The following ANK1 variants were observed in gnomAD, a reference collection of about 807,000 sequenced individuals.
The protein encoded by ANK1 is ankyrin 1.
ANK1 carries 51 observed loss-of-function variants against 210.4 expected under a neutral mutation model. That is an observed-to-expected ratio of 0.24 (90% CI 0.19 to 0.31). The LOEUF (loss-of-function observed/expected upper bound fraction) is 0.31. ANK1 is among the 10% of genes least tolerant of loss of function. The pLI is 1.00. For missense variants in ANK1, 2,051 were observed against 2,504.4 expected (o/e 0.82, Z 3.86); for synonymous variants, 967 against 1,025.9 (o/e 0.94, Z 1.10).
At chr8:41,688,637 C>G in intron 33 of ANK1, 48 bp from the exon 34 acceptor site, 1 of 1,553,508 alleles carries the variant, frequency 6.4e-7, no homozygotes, top group Non-Finnish European at 8.9e-7. Flanking sequence ...TCCCCACCTT[C>G]CCAGAGAAAG....
At chr8:41,720,708 G>C (rs1305885432) in intron 9 of ANK1, among the ~76,000 whole-genome samples, 1 of 152,122 alleles carries the variant, frequency 6.6e-6, no homozygotes, top group Non-Finnish European at 1.5e-5. Context: ...CCCTGATGAA[G>C]GAGGGGCACT....
chr8:41,684,680 C>T lies in ANK1; in HGVS notation c.4401G>A (p.Leu1467=), dbSNP rs750151895. Residue 1467 remains leucine (L), a synonymous_variant, in exon 37 of 43, where the codon CTG becomes CTA. Transcript: ENST00000289734. ...REGQNANMEN[L]YTALQSIDRG... The stretch of plus-strand genomic sequence containing the variant: ...GGTCAATGCTCTGCAGGGCTGTGTA[C>T]AGATTCTCCACTGTGGGCGCAGAAG... The T allele has an allele frequency of 1.9e-6, 3 of 1,613,848 alleles. No homozygotes were observed. Among genetic ancestry groups the T allele is most frequent in the Non-Finnish European group, 2.5e-6 (3 of 1,180,012 alleles).
chr8:41,802,817 G>T (rs1850095185), intron 1 of ANK1, among the ~76,000 whole-genome samples: 1 of 151,468 alleles, frequency 6.6e-6, no homozygotes, highest in Non-Finnish European at 1.5e-5. Context: ...GGCTGAGGTG[G>T]GAGGATCACC....
At chr8:41,722,396 T>G (rs1319705067) in intron 9 of ANK1, among the ~76,000 whole-genome samples, 1 of 152,232 alleles carries the variant, frequency 6.6e-6, no homozygotes, top group Non-Finnish European at 1.5e-5. Context: ...ATGACAGAAC[T>G]GCTCGTGGGA....
At chr8:41,755,886 G>A (rs559698418) in intron 2 of ANK1, among the ~76,000 whole-genome samples, 14 of 152,282 alleles carry the variant, frequency 9.2e-5, no homozygotes, top group African/African-American at 2.2e-4. Flanking sequence ...GAAAAGGGGC[G>A]GGGGGCCTGG....
intron 1 of ANK1, among the ~76,000 whole-genome samples, chr8:41,858,732 A>C (rs1038477903): frequency 6.6e-6 from 1 of 152,236 alleles, no homozygotes; most frequent in Non-Finnish European, 1.5e-5. Flanking sequence ...AAAACAAAAC[A>C]AAACCAAAAC....
chr8:41,887,525 C>T (rs1473119699), intron 1 of ANK1, among the ~76,000 whole-genome samples: 2 of 152,180 alleles, frequency 1.3e-5, no homozygotes, highest in South Asian at 2.1e-4. Context: ...TCCCAAAATG[C>T]TGGGATTACA....
intron 1 of ANK1, among the ~76,000 whole-genome samples, chr8:41,764,369 G>T (rs908559260): frequency 1.3e-5 from 2 of 152,146 alleles, no homozygotes; most frequent in Admixed American, 6.5e-5. Flanking sequence ...TCCAGCAAAT[G>T]CAACAGGGCA....
At chr8:41,865,705 T>C (rs1235207734) in intron 1 of ANK1, among the ~76,000 whole-genome samples, 1 of 151,948 alleles carries the variant, frequency 6.6e-6, no homozygotes, top group African/African-American at 2.4e-5. Flanking sequence ...CCTAGATTCT[T>C]CCCTCTCCCT....
chr8:41,823,022 C>G (rs994318824), intron 1 of ANK1, among the ~76,000 whole-genome samples: 1 of 152,232 alleles, frequency 6.6e-6, no homozygotes, highest in African/African-American at 2.4e-5. Flanking sequence ...ACAGGCTGCT[C>G]TGAGCATGAG....
At chr8:41,784,948 G>A (rs908797137) in intron 1 of ANK1, among the ~76,000 whole-genome samples, 3 of 152,228 alleles carry the variant, frequency 2.0e-5, no homozygotes, top group Non-Finnish European at 4.4e-5. Flanking sequence ...TGGTCAGTGG[G>A]CTTCCAAGGG....
rs1375926380 is a variant in ANK1 at position 41,679,729 on chromosome 8, A to AT, written c.4537+4814dup. ...AGGCGCCCACCATCACGCCAGGCTA[A>AT]TTTTTTTTGTATTTTTAGTAGAGAC... On this transcript the variant is annotated intron_variant, in intron 37 of 42. Transcript: ENST00000289734. Among the ~76,000 whole-genome samples, 6 of 149,396 alleles carry AT rather than the reference A, an allele frequency of 4.0e-5. No individual in the cohort carries two copies. The South Asian group carries it at 6.5e-4, about 16-fold the overall frequency.
chr8:41,855,614 G>A (rs750216252), intron 1 of ANK1, among the ~76,000 whole-genome samples: 10 of 152,168 alleles, frequency 6.6e-5, no homozygotes, highest in Non-Finnish European at 1.3e-4. Flanking sequence ...AAAAAGTCAG[G>A]AGAAAGGTCA....
chr8:41,660,838 T>C (rs976966886), intron 42 of ANK1, among the ~76,000 whole-genome samples: 1 of 152,180 alleles, frequency 6.6e-6, no homozygotes, highest in African/African-American at 2.4e-5. Flanking sequence ...GAACTGTAGC[T>C]GGGCTCCAGG....
At chr8:41,685,950 G>C (rs991085289) in intron 36 of ANK1, among the ~76,000 whole-genome samples, 6 of 152,232 alleles carry the variant, frequency 3.9e-5, no homozygotes, top group African/African-American at 1.2e-4. Context: ...ATGTGAGAAA[G>C]GCTGAGGCCA....
At position 41,723,603 on chromosome 8, in the gene ANK1, G is replaced by A. The variant is rs764420355; in HGVS notation, c.742C>T (p.Arg248Cys). The A allele has an allele frequency of 7.4e-6, 12 of 1,613,674 alleles. No individual in the cohort carries two copies. Among genetic ancestry groups the A allele is most frequent in the Non-Finnish European group, 8.5e-6 (10 of 1,179,938 alleles). ...NGITPLHIAS[R>C]RGNVIMVRLL... Reference sequence around the variant, plus strand: ...CGCACCATGATCACGTTGCCCCTGCGGGAGGCGATGTGCAGTGGCGTGATG... The same window carrying A: ...CGCACCATGATCACGTTGCCCCTGCAGGAGGCGATGTGCAGTGGCGTGATG... Residue 248 changes from arginine to cysteine, a missense_variant, in exon 8 of 43, where the codon CGC (arginine) becomes TGC (cysteine). By Grantham distance (180) the Arg-to-Cys change is radical. Around this residue, in one of 6 missense-constraint regions of ANK1, gnomAD observed 1,413 missense variants for 1,707.4 expected, o/e 0.83. Transcript: ENST00000289734.
At chr8:41,732,499 G>A (rs1359532456) in intron 3 of ANK1, among the ~76,000 whole-genome samples, 2 of 151,634 alleles carry the variant, frequency 1.3e-5, no homozygotes, top group East Asian at 2.0e-4. Flanking sequence ...CGCAACCTCC[G>A]CCTCCTGGGT....
chr8:41,708,291 C>T (rs1305071026), intron 17 of ANK1, among the ~76,000 whole-genome samples: 1 of 152,108 alleles, frequency 6.6e-6, no homozygotes, highest in East Asian at 1.9e-4. Context: ...TGCTCACGCG[C>T]GCTTCCTCCC....
At chr8:41,684,729 G>A (rs549783670) in intron 36 of ANK1, 39 bp from the exon 37 acceptor site, 75 of 1,603,160 alleles carry the variant, frequency 4.7e-5, no homozygotes, top group East Asian at 4.2e-4. Context: ...ACTCCAGGCC[G>A]GTGAGCGAGG....
Sources: gnomAD v4.1 joint callset for allele counts (sites outside exome capture counted in the v4.1 genomes callset) on GRCh38, gnomAD v4.1.1 for gene constraint, gnomAD v4.1.1 regional missense constraint, MANE v1.5 for transcripts, NCBI Gene and HGNC (gene_info 2026-07-23, HGNC 2026-07-21) for gene names.